The following RPSA2 variants were observed in gnomAD, a reference collection of about 807,000 sequenced individuals.
The protein encoded by RPSA2 is ribosomal protein SA 2, also known as small ribosomal subunit protein uS2B.
At chr19:23,793,316 C>T in the RPSA2 span, among the ~76,000 whole-genome samples, 7 of 150,416 alleles carry the variant, frequency 4.7e-5, no homozygotes, top group African/African-American at 1.7e-4. Flanking sequence ...TCTTTTCCCA[C>T]CTTTTTTCTT....
chr19:23,824,961 G>T, the RPSA2 span, among the ~76,000 whole-genome samples: 3 of 150,630 alleles, frequency 2.0e-5, no homozygotes, highest in South Asian at 4.2e-4. Context: ...TAAGTTGTTT[G>T]TTTTGTTTTG....
the RPSA2 span, among the ~76,000 whole-genome samples, chr19:23,770,894 T>C: frequency 6.6e-6 from 1 of 152,188 alleles, no homozygotes; most frequent in East Asian, 1.9e-4. Context: ...AGTCTACTGG[T>C]CAATACCTAT....
the RPSA2 span, among the ~76,000 whole-genome samples, chr19:23,770,512 A>T: frequency 6.6e-6 from 1 of 152,082 alleles, no homozygotes; most frequent in Non-Finnish European, 1.5e-5. Context: ...TGAGTTCAAC[A>T]CCCATGAAAT....
chr19:23,810,970 A>G, the RPSA2 span, among the ~76,000 whole-genome samples: 2 of 148,366 alleles, frequency 1.3e-5, no homozygotes, highest in African/African-American at 2.5e-5. Flanking sequence ...GAGTTTCACA[A>G]CTCCCTTCCT....
chr19:23,794,579 G>C, the RPSA2 span, among the ~76,000 whole-genome samples: 1 of 152,028 alleles, frequency 6.6e-6, no homozygotes, highest in Non-Finnish European at 1.5e-5. Flanking sequence ...ATAGATTCTG[G>C]ATATTACACC....
the RPSA2 span, among the ~76,000 whole-genome samples, chr19:23,780,807 T>G: frequency 1.3e-5 from 2 of 152,204 alleles, no homozygotes; most frequent in Non-Finnish European, 2.9e-5. Flanking sequence ...AGAGTGCCCT[T>G]ACAGGGCCAA....
the RPSA2 span, chr19:23,827,063 C>G: frequency 1.4e-6 from 1 of 711,002 alleles, no homozygotes; most frequent in Admixed American, 2.0e-5. Flanking sequence ...TACCTATTTG[C>G]TTACAGTAAC....
chr19:23,779,983 C>T, the RPSA2 span, among the ~76,000 whole-genome samples: 4 of 152,186 alleles, frequency 2.6e-5, no homozygotes, highest in Admixed American at 6.5e-5. Context: ...CAGGTGACGT[C>T]GCTCTCCTGC....
the RPSA2 span, among the ~76,000 whole-genome samples, chr19:23,763,513 G>C: frequency 6.6e-6 from 1 of 152,226 alleles, no homozygotes; most frequent in African/African-American, 2.4e-5. Flanking sequence ...GTCTTGCTCT[G>C]TCGCCCAGGC....
At chr19:23,868,609 G>T in the RPSA2 span, among the ~76,000 whole-genome samples, 2 of 152,332 alleles carry the variant, frequency 1.3e-5, no homozygotes, top group Non-Finnish European at 2.9e-5. Flanking sequence ...TGAATGGTAA[G>T]ACTGCAGCAG....
the RPSA2 span, among the ~76,000 whole-genome samples, chr19:23,802,316 C>T: frequency 2.6e-5 from 4 of 152,322 alleles, no homozygotes; most frequent in South Asian, 6.2e-4. Context: ...AAATGTGATA[C>T]TAGAGTGTTA....
At chr19:23,855,318 T>C in the RPSA2 span, among the ~76,000 whole-genome samples, 1 of 152,202 alleles carries the variant, frequency 6.6e-6, no homozygotes, top group African/African-American at 2.4e-5. Context: ...TTTGCCAAAA[T>C]GTCCCAGTCT....
chr19:23,763,002 C>G, the RPSA2 span: 1 of 152,318 alleles, frequency 6.6e-6, no homozygotes, highest in Admixed American at 6.5e-5. Context: ...CTTGCTCCCG[C>G]CAGAGTTTGG....
the RPSA2 span, chr19:23,832,102 A>G: frequency 2.2e-6 from 1 of 450,582 alleles, no homozygotes; most frequent in Non-Finnish European, 4.5e-6. Flanking sequence ...AACCCTTACT[A>G]CACATAAAAT....
At chr19:23,832,491 C>A in the RPSA2 span, 1 of 527,260 alleles carries the variant, frequency 1.9e-6, no homozygotes, top group Non-Finnish European at 3.4e-6. Context: ...TGTGGCAAAC[C>A]TTTTAGCCAA....
At chr19:23,819,167 A>T in the RPSA2 span, 1 of 152,094 alleles carries the variant, frequency 6.6e-6, no homozygotes. Context: ...ATTTCTAACC[A>T]CTTTTACTTT....
chr19:23,790,924 A>AAGAT, the RPSA2 span: 2 of 443,366 alleles, frequency 4.5e-6, no homozygotes, highest in Non-Finnish European at 8.2e-6. Flanking sequence ...CGTCCCCTGC[A>AAGAT]GCCATAAGAT....
the RPSA2 span, among the ~76,000 whole-genome samples, chr19:23,785,852 C>A: frequency 6.6e-6 from 1 of 152,112 alleles, no homozygotes; most frequent in Admixed American, 6.5e-5. Flanking sequence ...TGATTAAGAT[C>A]CTCGGTCTCC....
the RPSA2 span, among the ~76,000 whole-genome samples, chr19:23,861,581 G>A: frequency 1.3e-5 from 2 of 152,208 alleles, no homozygotes; most frequent in East Asian, 3.9e-4. Flanking sequence ...CCGGGCCTCA[G>A]TCTACCAGCG....
Sources: gnomAD v4.1 joint callset for allele counts (sites outside exome capture counted in the v4.1 genomes callset) on GRCh38, gnomAD v4.1.1 for gene constraint, MANE v1.5 for transcripts, NCBI Gene and HGNC (gene_info 2026-07-23, HGNC 2026-07-21) for gene names.